The following SMIM22 variants were observed in gnomAD, a reference collection of about 807,000 sequenced individuals.
SMIM22 encodes the protein cancer associated small integral membrane open reading frame 1.
In SMIM22, 16 loss-of-function variants were observed where a neutral mutation model predicts 8.4. That is an observed-to-expected ratio of 1.90 (90% CI 1.29 to 2.89). SMIM22 has a LOEUF of 2.89. Ranked by LOEUF, SMIM22 falls within the 30% of genes most tolerant of loss-of-function variation. SMIM22 has a pLI of 0.00. For missense variants in SMIM22, 159 were observed against 107.5 expected (o/e 1.48, Z -2.12); for synonymous variants, 67 against 47.6 (o/e 1.41, Z -1.68).
chr16:4,792,276 C>T (rs1051659629), upstream of SMIM22, among the ~76,000 whole-genome samples: 1 of 150,996 alleles, frequency 6.6e-6, no homozygotes, highest in Non-Finnish European at 1.5e-5. Flanking sequence ...CTGCAAGCTC[C>T]GCCTCCCGGG....
intron 3 of SMIM22, 43 bp from the exon 4 acceptor site, chr16:4,796,147 A>G: frequency 6.5e-7 from 1 of 1,536,026 alleles, no homozygotes; most frequent in Non-Finnish European, 8.7e-7. Flanking sequence ...CCCCTAGGGA[A>G]CAACGAGCGA....
At chr16:4,791,378 A>G (rs949721084), upstream of SMIM22, among the ~76,000 whole-genome samples, 1 of 152,244 alleles carries the variant, frequency 6.6e-6, no homozygotes, top group Non-Finnish European at 1.5e-5. Context: ...CACGGCGATA[A>G]TAGCACAGGG....
chr16:4,792,118 G>A (rs2082559710), upstream of SMIM22, among the ~76,000 whole-genome samples: 1 of 152,328 alleles, frequency 6.6e-6, no homozygotes, highest in East Asian at 1.9e-4. Context: ...CCAGAGGGGA[G>A]AGGAGGGGAC....
upstream of SMIM22, among the ~76,000 whole-genome samples, chr16:4,792,228 T>C (rs1021286545): frequency 3.3e-5 from 5 of 151,462 alleles, no homozygotes; most frequent in African/African-American, 1.2e-4. Flanking sequence ...TCTCGCTCTG[T>C]CGCCCAGGCT....
At position 4,796,012 on chromosome 16, in the gene SMIM22, C is replaced by T. The variant is rs2141900747; in HGVS notation, c.189C>T (p.Pro63=). ...AHCCCCSSPG[P]RRESPRKVSP... ...GCTGCTGCTGCAGCTCCCCCGGGCC[C>T]CGCAGGGAAAGCCCCAGGAAGGTGA... Residue 63 remains proline (P), a synonymous_variant, in exon 3 of 4, where the codon CCC becomes CCT. Transcript: ENST00000586005. The T allele has an allele frequency of 6.6e-7, 1 of 1,516,376 alleles. No individual in the cohort carries two copies. The highest frequency in any genetic ancestry group is 8.8e-7 in the Non-Finnish European group (1 of 1,136,700). The allele number at this position is 1,516,376 out of a possible 1,614,324, so 93.9% of individuals were successfully genotyped here. A position where few individuals can be genotyped will look rare whatever the true frequency, so the allele number is the denominator to read the frequency against.
chr16:4,793,728 TACA>T, upstream of SMIM22, among the ~76,000 whole-genome samples: 1 of 152,198 alleles, frequency 6.6e-6, no homozygotes, highest in Non-Finnish European at 1.5e-5. Flanking sequence ...CTGTTCCCTA[TACA>T]ATGTAACAAT....
At chr16:4,795,665 C>CGCTGA in intron 1 of SMIM22, 50 bp from the exon 2 acceptor site, 2 of 1,517,180 alleles carry the variant, frequency 1.3e-6, no homozygotes, top group East Asian at 2.4e-5. Context: ...ATGTGGTCCC[C>CGCTGA]GCTGAGCTGA....
At chr16:4,794,791 G>T (rs936431258), upstream of SMIM22, among the ~76,000 whole-genome samples, 1 of 152,190 alleles carries the variant, frequency 6.6e-6, no homozygotes, top group African/African-American at 2.4e-5. Flanking sequence ...CCTGATCTAA[G>T]TAAGTGATCT....
chr16:4,789,694 A>C (rs1596263519), intron 2 of SMIM22, among the ~76,000 whole-genome samples: 1 of 151,826 alleles, frequency 6.6e-6, no homozygotes, highest in African/African-American at 2.4e-5. Context: ...CCTGGGTTCT[A>C]GTGATCCTCT....
Position 4,796,416 on chromosome 16 carries a change from T to A in SMIM22, c.*185T>A. ...GCCAGGTCATCCTCAGTCACCTAGC[T>A]GGGAGGGGAGCTGGTCTCAGGCCGG... On this transcript the variant is annotated 3_prime_UTR_variant, in exon 4 of 4. Coordinates refer to ENST00000586005, the MANE Select transcript of SMIM22 (RefSeq NM_001253794.2). The A allele has an allele frequency of 1.4e-6, 1 of 694,140 alleles. No homozygotes were observed. The highest frequency in any genetic ancestry group is 2.4e-6 in the Non-Finnish European group (1 of 421,956). The allele number at this position is 694,140 out of a possible 1,614,324, so 43.0% of individuals were successfully genotyped here. A position where few individuals can be genotyped will look rare whatever the true frequency, so the allele number is the denominator to read the frequency against.
upstream of SMIM22, chr16:4,795,095 C>T (rs1030883360): frequency 1.3e-5 from 2 of 152,012 alleles, no homozygotes; most frequent in African/African-American, 4.9e-5. Flanking sequence ...TCTCCCCCTT[C>T]CCCCTCCCTC....
chr16:4,792,474 G>C (rs1339772733), upstream of SMIM22, among the ~76,000 whole-genome samples: 1 of 148,100 alleles, frequency 6.8e-6, no homozygotes, highest in African/African-American at 2.5e-5. Flanking sequence ...ACAGGCATGA[G>C]CCACCGCGCC....
chr16:4,792,482 G>A (rs1285629518), upstream of SMIM22, among the ~76,000 whole-genome samples: 4 of 145,818 alleles, frequency 2.7e-5, no homozygotes, highest in Non-Finnish European at 6.0e-5. Context: ...GAGCCACCGC[G>A]CCTAGCCTCC....
upstream of SMIM22, among the ~76,000 whole-genome samples, chr16:4,791,849 G>A (rs760261507): frequency 2.6e-5 from 4 of 152,164 alleles, no homozygotes; most frequent in Admixed American, 1.3e-4. Context: ...CACCACGCCC[G>A]GCTAATTTTT....
chr16:4,794,716 G>C (rs182787726), upstream of SMIM22, among the ~76,000 whole-genome samples: 1 of 152,092 alleles, frequency 6.6e-6, no homozygotes, highest in Non-Finnish European at 1.5e-5. Context: ...CACTGCGCCC[G>C]GCCCAATTTT....
At chr16:4,795,595 G>T in intron 1 of SMIM22, 120 bp from the exon 2 acceptor site, 8 of 1,229,928 alleles carry the variant, frequency 6.5e-6, no homozygotes, top group Middle Eastern at 2.8e-4. Flanking sequence ...GGAGTGGGAG[G>T]GGGTGGGGAA....
chr16:4,792,538 A>G (rs1197106546), upstream of SMIM22, among the ~76,000 whole-genome samples: 2 of 147,004 alleles, frequency 1.4e-5, no homozygotes, highest in Non-Finnish European at 3.0e-5. Context: ...GCGGTGGATC[A>G]TGCCTGTAAT....
At chr16:4,795,186 T>C (rs978691326), upstream of SMIM22, 2 of 148,736 alleles carry the variant, frequency 1.3e-5, no homozygotes, top group Non-Finnish European at 3.0e-5. Flanking sequence ...CCCAGCTGCA[T>C]ATCTGGGATA....
At chr16:4,792,397 A>G (rs893621664), upstream of SMIM22, among the ~76,000 whole-genome samples, 29 of 148,912 alleles carry the variant, frequency 1.9e-4, 1 homozygote, top group Admixed American at 7.3e-4. Flanking sequence ...TCACCGTGTT[A>G]GCCAGGATGG....
Sources: allele counts gnomAD v4.1 joint callset (sites outside exome capture counted in the v4.1 genomes callset), GRCh38; gene constraint gnomAD v4.1.1; transcripts MANE v1.5; gene names NCBI Gene and HGNC (gene_info 2026-07-23, HGNC 2026-07-21).